Variants in CHM observed in about 807,000 individuals in gnomAD.
CHM encodes rab proteins geranylgeranyltransferase component A 1.
Under a neutral mutation model 49.0 loss-of-function variants are expected in CHM, and 10 were observed. That is an observed-to-expected ratio of 0.20 (90% confidence interval 0.13 to 0.35). The LOEUF is 0.35. Ranked by LOEUF, CHM falls within the 10% of genes least tolerant of loss-of-function variation. The pLI is 1.00. For synonymous variants in CHM, 184 were observed against 167.5 expected (o/e 1.10, Z -0.76); for missense variants, 455 against 478.4 (o/e 0.95, Z 0.46).
intron 12 of CHM, among the ~76,000 whole-genome samples, chrX:85,889,432 G>A (rs963625834): frequency 4.5e-5 from 5 of 112,238 alleles, no homozygotes; most frequent in Non-Finnish European, 9.4e-5. Context: ...AGATACATAA[G>A]TAGCCAACAA....
intron 2 of CHM, among the ~76,000 whole-genome samples, chrX:86,026,512 T>C (rs1395876993): frequency 9.0e-6 from 1 of 111,120 alleles, no homozygotes; most frequent in African/African-American, 3.3e-5. Flanking sequence ...CAGTCGTGCA[T>C]ACAATAGTGA....
chrX:86,030,844 TAA>T (rs1320030816), intron 1 of CHM, among the ~76,000 whole-genome samples: 2 of 110,970 alleles, frequency 1.8e-5, no homozygotes, highest in African/African-American at 6.6e-5. Flanking sequence ...AGTGATCCTT[TAA>T]AAAAAGTGTT....
intron 8 of CHM, among the ~76,000 whole-genome samples, chrX:85,944,971 T>A (rs181141196): frequency 1.8e-5 from 2 of 111,997 alleles, no homozygotes; most frequent in East Asian, 5.6e-4. Flanking sequence ...CGAGATCATG[T>A]CCTTTGCAGG....
rs770668066 is a variant in CHM, at chrX:85,947,844, G to C, written c.1166+8309C>G. Reference sequence around the variant, plus strand: ...CTGAGGTTCAACAATTGGTAAAAACGTGTTTGGTGGTGATAATTTACATGA... The same window carrying C: ...CTGAGGTTCAACAATTGGTAAAAACCTGTTTGGTGGTGATAATTTACATGA... On this transcript the variant is annotated intron_variant, in intron 8 of 14. Coordinates refer to ENST00000357749, the MANE Select transcript of CHM (RefSeq NM_000390.4). 5.4e-5 allele frequency among the ~76,000 whole-genome samples: 6 copies of C among 111,998 alleles called. No homozygotes were observed. In the East Asian group the frequency reaches 1.7e-3, roughly 31 times the overall value.
intron 12 of CHM, among the ~76,000 whole-genome samples, chrX:85,884,618 A>G (rs1002690615): frequency 7.9e-4 from 88 of 111,432 alleles, no homozygotes; most frequent in African/African-American, 2.8e-3. Context: ...TACTATTCCC[A>G]TATGATGTGA....
intron 2 of CHM, among the ~76,000 whole-genome samples, chrX:85,985,835 G>C (rs1931874692): frequency 8.9e-6 from 1 of 111,770 alleles, no homozygotes. Flanking sequence ...CAGAAAAGCA[G>C]CCAGACTGTT....
chrX:85,948,067 C>T (rs12556414), intron 8 of CHM, among the ~76,000 whole-genome samples: 1 of 110,176 alleles, frequency 9.1e-6, no homozygotes, highest in African/African-American at 3.3e-5. Context: ...CTGGGCAGTT[C>T]ACATCTACAC....
chrX:85,969,082 T>G, intron 4 of CHM: 1 of 672,275 alleles, frequency 1.5e-6, no homozygotes, highest in Non-Finnish European at 1.8e-6. Context: ...AATAAATCAG[T>G]AGAATTTTAG....
intron 2 of CHM, among the ~76,000 whole-genome samples, chrX:86,003,452 A>T (rs1219648625): frequency 8.9e-6 from 1 of 112,102 alleles, no homozygotes; most frequent in African/African-American, 3.2e-5. Context: ...GTCGGTAATA[A>T]CAAACTTCTC....
intron 3 of CHM, among the ~76,000 whole-genome samples, chrX:85,980,209 T>C (rs1319695063): frequency 1.8e-5 from 2 of 111,551 alleles, no homozygotes; most frequent in African/African-American, 3.3e-5. Flanking sequence ...ATGGAAGTAC[T>C]AAATATGCCT....
chrX:86,038,513 C>A (rs1205181967), intron 1 of CHM, among the ~76,000 whole-genome samples: 1 of 112,166 alleles, frequency 8.9e-6, no homozygotes, highest in Non-Finnish European at 1.9e-5. Context: ...GGCACGTCAT[C>A]AGGACCTGAG....
At chrX:86,014,602 G>C (rs1042115162) in intron 2 of CHM, among the ~76,000 whole-genome samples, 1 of 112,593 alleles carries the variant, frequency 8.9e-6, no homozygotes, top group African/African-American at 3.2e-5. Flanking sequence ...AGGCAGTGGG[G>C]GTGTCCCCGG....
intron 14 of CHM, among the ~76,000 whole-genome samples, chrX:85,870,283 TACAG>T (rs1301516435): frequency 1.8e-5 from 2 of 112,265 alleles, no homozygotes; most frequent in Non-Finnish European, 3.8e-5. Flanking sequence ...GAATGGCAGC[TACAG>T]AAAATATGAC....
At chrX:85,932,948 T>C (rs886270622) in intron 8 of CHM, among the ~76,000 whole-genome samples, 34 of 111,953 alleles carry the variant, frequency 3.0e-4, no homozygotes, top group African/African-American at 1.1e-3. Flanking sequence ...AGCCTGGCAG[T>C]TAAGTGTTGA....
At chrX:85,893,712 T>A (rs1483970979) in intron 12 of CHM, among the ~76,000 whole-genome samples, 1 of 111,223 alleles carries the variant, frequency 9.0e-6, no homozygotes, top group Non-Finnish European at 1.9e-5. Context: ...GTGCCACTTA[T>A]GAGGAAAGGG....
At chrX:85,951,943 T>C (rs961681373) in intron 8 of CHM, among the ~76,000 whole-genome samples, 3 of 111,717 alleles carry the variant, frequency 2.7e-5, no homozygotes, top group Non-Finnish European at 3.8e-5. Context: ...GGATGTAGCA[T>C]TGAACTTGGT....
intron 1 of CHM, among the ~76,000 whole-genome samples, chrX:86,034,483 T>C (rs780245642): frequency 9.0e-6 from 1 of 111,504 alleles, no homozygotes; most frequent in Non-Finnish European, 1.9e-5. Context: ...ACCCACATGG[T>C]ATTAGAAAGT....
At chrX:85,989,733 T>TG (rs756806209) in intron 2 of CHM, among the ~76,000 whole-genome samples, 1 of 94,366 alleles carries the variant, frequency 1.1e-5, no homozygotes, top group Admixed American at 1.3e-4. Flanking sequence ...CAATAGCATA[T>TG]GGAAAAAAAA....
intron 14 of CHM, among the ~76,000 whole-genome samples, 159 bp downstream of exon 14, chrX:85,872,893 A>T (rs1924171437): frequency 8.9e-6 from 1 of 112,166 alleles, no homozygotes; most frequent in African/African-American, 3.2e-5. Flanking sequence ...AAGTATATTT[A>T]AAGTAGCTTT....
Sources: gnomAD v4.1 joint callset for allele counts (sites outside exome capture counted in the v4.1 genomes callset) on GRCh38, gnomAD v4.1.1 for gene constraint, MANE v1.5 for transcripts, NCBI Gene and HGNC (gene_info 2026-07-23, HGNC 2026-07-21) for gene names.